RANBP2: variants seen among roughly 807,000 people sequenced by gnomAD.
RANBP2 encodes E3 SUMO-protein ligase RanBP2.
RANBP2 carries 57 observed loss-of-function variants against 303.6 expected under a neutral mutation model. The ratio of observed to expected loss-of-function variants is 0.19; its 90% CI spans 0.15 to 0.23. The LOEUF (loss-of-function observed/expected upper bound fraction) is 0.23, where lower values mean the gene tolerates loss of function less well. Among genes scored for constraint, RANBP2 ranks in the 10% least tolerant of loss-of-function variants. The pLI, the probability that RANBP2 is intolerant of heterozygous loss-of-function variation, is 1.00. For synonymous variants in RANBP2, 1,167 were observed against 1,301.5 expected, an observed-to-expected ratio of 0.90 and a Z score of 2.23; for missense variants, 3,138 against 3,780.8, an observed-to-expected ratio of 0.83 and a Z score of 4.46.
At chr2:108,910,446 G>C in the RANBP2 span, 17 of 1,610,184 alleles carry the variant, frequency 1.1e-5, no homozygotes, top group Admixed American at 1.2e-4. Context: ...TTGGTGCTGG[G>C]GGCTTCCACA....
At chr2:108,988,788 G>A in the RANBP2 span, among the ~76,000 whole-genome samples, 1 of 152,166 alleles carries the variant, frequency 6.6e-6, no homozygotes, top group Non-Finnish European at 1.5e-5. Flanking sequence ...AACAATCTCA[G>A]GTCTTAGAAC....
the RANBP2 span, among the ~76,000 whole-genome samples, chr2:109,509,236 T>C: frequency 6.6e-6 from 1 of 152,220 alleles, no homozygotes; most frequent in Non-Finnish European, 1.5e-5. Context: ...CCTGGAGGTC[T>C]GCCTGGTGGG....
intron 4 of RANBP2, among the ~76,000 whole-genome samples, chr2:108,735,033 A>T (rs1216838208): frequency 2.6e-5 from 4 of 152,180 alleles, no homozygotes; most frequent in African/African-American, 9.7e-5. Context: ...GTTCAGAGAG[A>T]AAAAGCCATC....
chr2:109,465,531 T>C, the RANBP2 span, among the ~76,000 whole-genome samples: 1 of 152,246 alleles, frequency 6.6e-6, no homozygotes, highest in Non-Finnish European at 1.5e-5. Flanking sequence ...CTAATAGTTA[T>C]GTAGTGGTCT....
At chr2:108,912,413 G>A in the RANBP2 span, among the ~76,000 whole-genome samples, 2 of 152,164 alleles carry the variant, frequency 1.3e-5, no homozygotes, top group Admixed American at 6.5e-5. Flanking sequence ...GCAGCTGCCT[G>A]TGCTGTCCAC....
the RANBP2 span, among the ~76,000 whole-genome samples, chr2:109,705,262 C>T: frequency 2.6e-5 from 4 of 151,468 alleles, no homozygotes; most frequent in Non-Finnish European, 4.4e-5. Context: ...AAAATTAGCT[C>T]GGTGTGGTGG....
chr2:109,078,089 TATATATATATATATATATATATATATATA>T, the RANBP2 span, among the ~76,000 whole-genome samples: 5 of 10,500 alleles, frequency 4.8e-4, no homozygotes, highest in African/African-American at 7.0e-4. Flanking sequence ...TATATATATA[TATATATATATATATATATATATATATATA>T]GCGTGTATAT....
At chr2:109,394,220 T>A in the RANBP2 span, among the ~76,000 whole-genome samples, 1 of 152,214 alleles carries the variant, frequency 6.6e-6, no homozygotes, top group South Asian at 2.1e-4. Flanking sequence ...ACATCTAACC[T>A]AAGAAAGCTG....
At chr2:109,391,279 C>T in the RANBP2 span, among the ~76,000 whole-genome samples, 2 of 152,234 alleles carry the variant, frequency 1.3e-5, no homozygotes, top group Non-Finnish European at 1.5e-5. Flanking sequence ...TTGGGCAGCC[C>T]GACAGCAGCC....
At chr2:108,855,946 G>T in the RANBP2 span, among the ~76,000 whole-genome samples, 4 of 151,810 alleles carry the variant, frequency 2.6e-5, no homozygotes, top group African/African-American at 7.3e-5. Flanking sequence ...AGCATGAACG[G>T]TTTTTTTTCC....
chr2:108,751,796 C>G, intron 11 of RANBP2, 75 bp from the exon 12 acceptor site: 2 of 1,611,696 alleles, frequency 1.2e-6, no homozygotes, highest in South Asian at 2.2e-5. Flanking sequence ...GTCATGTGAC[C>G]CATTAACATA....
chr2:109,652,866 A>G, the RANBP2 span, among the ~76,000 whole-genome samples: 2 of 152,212 alleles, frequency 1.3e-5, no homozygotes, highest in East Asian at 1.9e-4. Flanking sequence ...TTAGTGTTCA[A>G]TAAGTCCCCA....
the RANBP2 span, among the ~76,000 whole-genome samples, chr2:109,232,643 G>T: frequency 1.3e-5 from 2 of 152,108 alleles, no homozygotes; most frequent in African/African-American, 4.8e-5. Flanking sequence ...TCTGGAAAGG[G>T]GTGATTGATT....
rs535418377 is a variant in RANBP2, at chr2:108,721,830, G to A, written c.72+2152G>A. ...GATCGTGGCTCACTGCAGCGTTGAC[G>A]TCCTGGGCTCAATCCATCCTCCCAC... On this transcript the variant is annotated intron_variant, in intron 1 of 28. Transcript: ENST00000283195. Among the ~76,000 whole-genome samples, 440 of 152,074 alleles carry A rather than the reference G, an allele frequency of 2.9e-3. 2 individuals carry two copies. The highest frequency in any genetic ancestry group is 4.5e-3 in the Non-Finnish European group (305 of 67,982).
downstream of RANBP2, chr2:108,788,077 C>A: frequency 6.2e-7 from 1 of 1,600,186 alleles, no homozygotes; most frequent in South Asian, 1.1e-5. Context: ...GAGAAGAACT[C>A]TAACCTCCCC....
chr2:109,245,460 A>G, the RANBP2 span, among the ~76,000 whole-genome samples: 5 of 152,222 alleles, frequency 3.3e-5, no homozygotes, highest in African/African-American at 1.2e-4. Context: ...TAATTTGCAC[A>G]TTAGTGCTTC....
At chr2:109,129,185 C>T in the RANBP2 span, 1 of 462,250 alleles carries the variant, frequency 2.2e-6, no homozygotes, top group South Asian at 1.7e-5. Flanking sequence ...GTCTCCCAGG[C>T]GCGAGCCGCC....
chr2:109,219,546 T>C, the RANBP2 span, among the ~76,000 whole-genome samples: 1 of 152,190 alleles, frequency 6.6e-6, no homozygotes, highest in South Asian at 2.1e-4. Flanking sequence ...ATCTTATGCA[T>C]AGAAAACTCT....
the RANBP2 span, among the ~76,000 whole-genome samples, chr2:109,168,065 A>G: frequency 1.6e-4 from 24 of 152,334 alleles, no homozygotes; most frequent in Admixed American, 1.2e-3. Flanking sequence ...TTCATTTACT[A>G]AAATGAAATC....
Sources: allele counts gnomAD v4.1 joint callset (sites outside exome capture counted in the v4.1 genomes callset), GRCh38; gene constraint gnomAD v4.1.1; transcripts MANE v1.5; gene names NCBI Gene and HGNC (gene_info 2026-07-23, HGNC 2026-07-21).